The following TSEN54 variants were observed in gnomAD, a reference collection of about 807,000 sequenced individuals.
TSEN54 encodes tRNA splicing endonuclease subunit 54.
In TSEN54, 55 loss-of-function variants were observed where a neutral mutation model predicts 61.9. The observed-to-expected ratio is 0.89, with a 90% CI of 0.72 to 1.11. TSEN54 has a LOEUF of 1.11. TSEN54 is among the 50% of genes most tolerant of loss of function. The pLI is 0.00. For synonymous variants in TSEN54, 304 were observed against 288.7 expected, an observed-to-expected ratio of 1.05 and a Z score of -0.54; for missense variants, 760 against 687.7, an observed-to-expected ratio of 1.11 and a Z score of -1.18.
chr17:75,519,155 C>T (rs1437386945), intron 6 of TSEN54, 108 bp downstream of exon 6: 3 of 1,330,142 alleles, frequency 2.3e-6, no homozygotes, highest in Non-Finnish European at 2.2e-6. Context: ...GGCTGGAGTG[C>T]AGTTCCTTGG....
chr17:75,519,162 T>A, intron 6 of TSEN54, 115 bp downstream of exon 6: 1 of 1,213,848 alleles, frequency 8.2e-7, no homozygotes, highest in Non-Finnish European at 1.2e-6. Flanking sequence ...GTGCAGTTCC[T>A]TGGGCACAGA....
At chr17:75,523,384 T>G (rs763192710) in intron 9 of TSEN54, 49 bp downstream of exon 9, 3 of 1,612,832 alleles carry the variant, frequency 1.9e-6, no homozygotes, top group East Asian at 4.5e-5. Flanking sequence ...CCGCCAGGAG[T>G]TGGTGGTTAG....
At chr17:75,523,986 CTT>C (rs2053466957) in intron 10 of TSEN54, among the ~76,000 whole-genome samples, 1 of 152,188 alleles carries the variant, frequency 6.6e-6, no homozygotes, top group South Asian at 2.1e-4. Context: ...TTAGGGTAGT[CTT>C]TCTCCAATGC....
rs886053401 is a variant in TSEN54, at chr17:75,524,579, T to C, written c.*167T>C. The C allele has an allele frequency of 4.6e-6, 4 of 870,046 alleles. No homozygotes were observed. In the East Asian group the frequency reaches 1.0e-4, roughly 23 times the overall value. 53.9% of individuals were successfully genotyped at this position (870,046 alleles called of 1,614,324 possible). A position where few individuals can be genotyped will look rare whatever the true frequency, so the allele number is the denominator to read the frequency against. ...TACTCACAGAGTGAAACTGTGACCC[T>C]CTCCCTTCCCTGCTGCCTTGCAGTG... On this transcript the variant is annotated 3_prime_UTR_variant, in exon 11 of 11. Transcript: ENST00000333213.
Position 75,523,640 on chromosome 17 carries a change from A to T in TSEN54, c.1314-23A>T, listed in dbSNP as rs199497556. 3.5e-5 allele frequency: 57 copies of T among 1,614,162 alleles called. No homozygotes were observed. The African/African-American group carries it at 5.6e-4, about 16-fold the overall frequency. The stretch of plus-strand genomic sequence containing the variant: ...GGTTGGGGAGAAGAGTTCATGTCAT[A>T]ACGTTTCTCATTGTATTGTCAGGCT... On this transcript the variant is annotated intron_variant, in intron 9 of 10. Coordinates refer to ENST00000333213, the MANE Select transcript of TSEN54 (RefSeq NM_207346.3).
chr17:75,521,519 C>G lies in TSEN54; in HGVS notation c.623+9C>G. The stretch of plus-strand genomic sequence containing the variant: ...AGCAGCTCCAGCCCTCGGTAACTCC[C>G]ACATCACGGTGGCCCCCCAGGGAGT... On this transcript the variant is annotated intron_variant, in intron 7 of 10. Transcript: ENST00000333213. 6.2e-7 allele frequency: 1 copy of G among 1,613,308 alleles called. No homozygotes were observed. Among genetic ancestry groups the G allele is most frequent in the Non-Finnish European group, 8.5e-7 (1 of 1,179,350 alleles).
chr17:75,519,034 C>T lies in TSEN54; in HGVS notation c.508C>T (p.Arg170Ter), dbSNP rs1233688232. 2 of 1,613,876 alleles carry T rather than the reference C, an allele frequency of 1.2e-6. No homozygotes were observed. Among genetic ancestry groups the T allele is most frequent in the East Asian group, 2.2e-5 (1 of 44,872 alleles). The change falls in exon 6 of 11, where the codon CGA (arginine) becomes TGA (stop). Residue 170 changes from arginine (R) to a stop codon, truncating the protein, a stop_gained. Transcript: ENST00000333213. LOFTEE classifies it high-confidence loss of function. Reference sequence around the variant, plus strand: ...GAAGAGGTTGGGTTATGTGGTTCGACGATTCCAACCAAGGTAAATCCCCTT... The same window carrying T: ...GAAGAGGTTGGGTTATGTGGTTCGATGATTCCAACCAAGGTAAATCCCCTT... Reference protein sequence around the residue: ...HLKRLGYVVRRFQPSSVLSPY... With the variant: ...HLKRLGYVVR
In TSEN54 at chr17:75,516,909, C is replaced by T; in HGVS notation, c.220C>T (p.Leu74=). The T allele has an allele frequency of 2.6e-6, 4 of 1,545,042 alleles. No individual in the cohort carries two copies. Among genetic ancestry groups the T allele is most frequent in the Non-Finnish European group, 2.6e-6 (3 of 1,148,052 alleles). ...QLLAEQRVER[L]GSLVAAEWRP... ...GCTGGCAGAGCAGCGCGTGGAGCGC[C>T]TGTGAGAGGGGCGGGCCCAGGGGTA... Residue 74 remains leucine (L), a splice_region_variant and synonymous_variant, in exon 2 of 11, where the codon CTG becomes TTG. Transcript: ENST00000333213.
In TSEN54 at chr17:75,522,135, G is replaced by C. The variant is rs1178178832; in HGVS notation, c.1054G>C (p.Glu352Gln). Reference sequence around the variant, plus strand: ...GCGCAAGGAGAAGCTCTCCAGGCGGGAACGGGAGCACCACGCGGAGGCCGC... The same window carrying C: ...GCGCAAGGAGAAGCTCTCCAGGCGGCAACGGGAGCACCACGCGGAGGCCGC... ...NQRKEKLSRR[E>Q]REHHAEAAQF... The change falls in exon 8 of 11, where the codon GAA (glutamate) becomes CAA (glutamine). Residue 352 changes from glutamate (E) to glutamine (Q), a missense_variant. This residue lies in a region of TSEN54 where 667 missense variants were observed against 577.8 expected (regional missense o/e 1.15). Coordinates refer to ENST00000333213, the MANE Select transcript of TSEN54 (RefSeq NM_207346.3). 6.4e-7 allele frequency: 1 copy of C among 1,565,942 alleles called. No homozygotes were observed. The highest frequency in any genetic ancestry group is 8.7e-7 in the Non-Finnish European group (1 of 1,154,222).
At position 75,523,783 on chromosome 17, in the gene TSEN54, C is replaced by A. The variant is rs202109896; in HGVS notation, c.1430+4C>A. ...ATGCCCGGATGTGCATTAGTGGGTA[C>A]GCAGTGAGCCAGCACTGCCCCTCCC... On this transcript the variant is annotated splice_donor_region_variant and intron_variant, in intron 10 of 10. Coordinates refer to ENST00000333213, the MANE Select transcript of TSEN54 (RefSeq NM_207346.3). 1 of 1,613,148 alleles carries A rather than the reference C, an allele frequency of 6.2e-7. No homozygotes were observed. The highest frequency in any genetic ancestry group is 8.5e-7 in the Non-Finnish European group (1 of 1,179,584).
chr17:75,522,052 C>G lies in TSEN54; in HGVS notation c.971C>G (p.Pro324Arg). Residue 324 changes from proline to arginine, a missense_variant, in exon 8 of 11, where the codon CCG becomes CGG. Around this residue, in one of 3 missense-constraint regions of TSEN54, gnomAD observed 667 missense variants for 577.8 expected, o/e 1.15. Transcript: ENST00000333213. Reference protein sequence around the residue: ...LLRAPAPELLPANVAGRETDA... With the variant: ...LLRAPAPELLRANVAGRETDA... Reference sequence around the variant, plus strand: ...CGCGCCCCAGCCCCAGAGCTGCTCCCGGCCAACGTGGCTGGGCGGGAGACA... The same window carrying G: ...CGCGCCCCAGCCCCAGAGCTGCTCCGGGCCAACGTGGCTGGGCGGGAGACA... 1 of 1,589,206 alleles carries G rather than the reference C, an allele frequency of 6.3e-7. No individual in the cohort carries two copies. Among genetic ancestry groups the G allele is most frequent in the Non-Finnish European group, 8.6e-7 (1 of 1,168,350 alleles).
At position 75,522,237 on chromosome 17, in the gene TSEN54, C is replaced by T. The variant is rs1337062385; in HGVS notation, c.1156C>T (p.Gln386Ter). The T allele has an allele frequency of 2.6e-6, 4 of 1,547,572 alleles. No individual in the cohort carries two copies. The highest frequency in any genetic ancestry group is 1.2e-5 in the South Asian group (1 of 83,984). The stretch of plus-strand genomic sequence containing the variant: ...CTGGCGGGAGTACAAGGAGCTGCTG[C>T]AGCGGCGGCAGGTGCAGAGGAGCCA... Reference protein sequence around the residue: ...SSWREYKELLQRRQVQRSQRR... With the variant: ...SSWREYKELL The change falls in exon 8 of 11, where the codon CAG becomes TAG. Residue 386 changes from glutamine (Q) to a stop codon, truncating the protein, a stop_gained. Coordinates refer to ENST00000333213, the MANE Select transcript of TSEN54 (RefSeq NM_207346.3). LOFTEE classifies it high-confidence loss of function.
chr17:75,522,096 C>T lies in TSEN54; in HGVS notation c.1015C>T (p.Gln339Ter). The T allele has an allele frequency of 1.3e-6, 2 of 1,584,126 alleles. No homozygotes were observed. Among genetic ancestry groups the T allele is most frequent in the Admixed American group, 1.8e-5 (1 of 56,402 alleles). The change falls in exon 8 of 11, where the codon CAG becomes TAG. Residue 339 changes from glutamine to a stop codon, truncating the protein, a stop_gained. Coordinates refer to ENST00000333213, the MANE Select transcript of TSEN54 (RefSeq NM_207346.3). LOFTEE classifies it high-confidence loss of function. ...GRETDAESWC[Q>*]KLNQRKEKLS... ...GGAGACAGACGCTGAGTCCTGGTGC[C>T]AGAAGCTGAACCAGCGCAAGGAGAA...
At chr17:75,521,082 AT>A (rs2053422552) in intron 6 of TSEN54, among the ~76,000 whole-genome samples, 2 of 152,120 alleles carry the variant, frequency 1.3e-5, no homozygotes, top group African/African-American at 2.4e-5. Context: ...GTACAATGAC[AT>A]TTTTGTTAGA....
In TSEN54 at chr17:75,517,675, C is replaced by T; in HGVS notation, c.468+20C>T. 1.3e-6 allele frequency: 2 copies of T among 1,596,420 alleles called. No individual in the cohort carries two copies. The highest frequency in any genetic ancestry group is 2.2e-5 in the East Asian group (1 of 44,798). ...TACCAGGTATCTGCCACCACCCCGC[C>T]TCCGGGAGCCACCCATCCACTGAAT... On this transcript the variant is annotated intron_variant, in intron 5 of 10. Coordinates refer to ENST00000333213, the MANE Select transcript of TSEN54 (RefSeq NM_207346.3).
In TSEN54 at chr17:75,517,649, G is replaced by A; in HGVS notation, c.462G>A (p.Gln154=). ...CCGACCACACTGTGACCTTCCTGCAGTACCAGGTATCTGCCACCACCCCGC... is the reference window on the plus strand; with the variant it reads ...CCGACCACACTGTGACCTTCCTGCAATACCAGGTATCTGCCACCACCCCGC... The part of the protein sequence containing the change: ...LLTDHTVTFL[Q]YQVFSHLKRL... Residue 154 remains glutamine (Q), a synonymous_variant, in exon 5 of 11, where the codon CAG becomes CAA. Coordinates refer to ENST00000333213, the MANE Select transcript of TSEN54 (RefSeq NM_207346.3). The A allele has an allele frequency of 1.9e-6, 3 of 1,613,572 alleles. No homozygotes were observed. The East Asian group carries it at 6.7e-5, about 36-fold the overall frequency.
At chr17:75,522,430 T>A in intron 8 of TSEN54, 97 bp downstream of exon 8, 1 of 1,526,772 alleles carries the variant, frequency 6.5e-7, no homozygotes. Context: ...GGATTGAGGC[T>A]TAAGGAAGAT....
At chr17:75,517,402 C>T (rs1458636955) in intron 4 of TSEN54, 155 bp from the exon 5 acceptor site, 1 of 1,144,874 alleles carries the variant, frequency 8.7e-7, no homozygotes, top group Non-Finnish European at 1.3e-6. Context: ...GGATTCCAGT[C>T]CACATTAGTG....
At chr17:75,520,350 G>A (rs528475510) in intron 6 of TSEN54, among the ~76,000 whole-genome samples, 2 of 151,052 alleles carry the variant, frequency 1.3e-5, no homozygotes, top group East Asian at 3.9e-4. Flanking sequence ...CGGGCGGATC[G>A]CGTGAGCTCA....
Sources: gnomAD v4.1 joint callset for allele counts (sites outside exome capture counted in the v4.1 genomes callset) on GRCh38, gnomAD v4.1.1 for gene constraint, gnomAD v4.1.1 regional missense constraint, MANE v1.5 for transcripts, NCBI Gene and HGNC (gene_info 2026-07-23, HGNC 2026-07-21) for gene names.